Variants in IRS1 observed in about 807,000 individuals in gnomAD.
IRS1 encodes insulin receptor substrate 1.
A neutral mutation model predicts 65.6 loss-of-function variants in IRS1; 34 were observed. The ratio of observed to expected loss-of-function variants is 0.52; its 90% confidence interval spans 0.39 to 0.69. The LOEUF (loss-of-function observed/expected upper bound fraction) is 0.69, where lower values mean the gene tolerates loss of function less well. Among genes scored for constraint, IRS1 ranks in the 30% least tolerant of loss-of-function variants. The pLI is 0.00. For synonymous variants in IRS1, 699 were observed against 683.5 expected, an observed-to-expected ratio of 1.02 and a Z score of -0.35; for missense variants, 1,641 against 1,720.2, an observed-to-expected ratio of 0.95 and a Z score of 0.81.
chr2:226,770,939 C>T (rs1394404326), intron 1 of IRS1, among the ~76,000 whole-genome samples: 2 of 152,072 alleles, frequency 1.3e-5, no homozygotes, highest in African/African-American at 4.8e-5. Context: ...GTGGGAGGAT[C>T]TCTTGAGCAC....
At position 226,796,066 on chromosome 2, in the gene IRS1, C is replaced by T. The variant is rs141181919; in HGVS notation, c.2673G>A (p.Lys891=). 1.1e-5 allele frequency: 18 copies of T among 1,614,016 alleles called. No homozygotes were observed. The South Asian group carries it at 1.4e-4, about 13-fold the overall frequency. Residue 891 remains lysine (K), a synonymous_variant, in exon 1 of 2, where the codon AAG becomes AAA. Coordinates refer to ENST00000305123, the MANE Select transcript of IRS1 (RefSeq NM_005544.3). ...QQPLLHPPEP[K]SPGEYVNIEF... ...CAATATTGACATATTCCCCCGGGCT[C>T]TTGGGCTCTGGAGGGTGCAGCAAGG...
chr2:226,746,507 A>G (rs1318748927), intron 1 of IRS1, among the ~76,000 whole-genome samples: 1 of 152,138 alleles, frequency 6.6e-6, no homozygotes, highest in Non-Finnish European at 1.5e-5. Flanking sequence ...ATAATTGATA[A>G]TGCATCCACT....
intron 1 of IRS1, among the ~76,000 whole-genome samples, chr2:226,782,955 A>AC (rs1181596691): frequency 2.6e-5 from 4 of 152,234 alleles, no homozygotes; most frequent in African/African-American, 9.6e-5. Flanking sequence ...AGCCAAGATC[A>AC]CACCACTGCA....
At chr2:226,738,147 A>T (rs1220840279) in intron 1 of IRS1, among the ~76,000 whole-genome samples, 6 of 152,252 alleles carry the variant, frequency 3.9e-5, no homozygotes, top group African/African-American at 7.2e-5. Context: ...TAAGGTCAAG[A>T]TGTAGCAGTA....
intron 1 of IRS1, among the ~76,000 whole-genome samples, chr2:226,748,122 CA>C (rs34926444): frequency 0.069 from 8,945 of 129,332 alleles, 350 homozygotes; most frequent in East Asian, 0.2. Flanking sequence ...TCTGAGAGTC[CA>C]AAAAAAAAAA....
At chr2:226,776,963 C>G (rs1939286355) in intron 1 of IRS1, among the ~76,000 whole-genome samples, 1 of 152,066 alleles carries the variant, frequency 6.6e-6, no homozygotes, top group East Asian at 1.9e-4. Flanking sequence ...TCAGACAAAT[C>G]CCAAATGAGG....
chr2:226,771,430 G>C (rs1161892912), intron 1 of IRS1, among the ~76,000 whole-genome samples: 1 of 152,164 alleles, frequency 6.6e-6, no homozygotes, highest in Non-Finnish European at 1.5e-5. Context: ...GAGTAGGTTG[G>C]AGGAAGGGTG....
At position 226,797,436 on chromosome 2, in the gene IRS1, G is replaced by C; in HGVS notation, c.1303C>G (p.Pro435Ala). 3.1e-6 allele frequency: 5 copies of C among 1,613,348 alleles called. No homozygotes were observed. The highest frequency in any genetic ancestry group is 4.2e-6 in the Non-Finnish European group (5 of 1,179,882). ...CGGAAGGAACTCCGGAAATCGCAGGGACTGGAGCCATACTCATCCGAGGAG... is the reference window on the plus strand; with the variant it reads ...CGGAAGGAACTCCGGAAATCGCAGGCACTGGAGCCATACTCATCCGAGGAG... ...FISSDEYGSS[P>A]CDFRSSFRSV... The change falls in exon 1 of 2, where the codon CCC (proline) becomes GCC (alanine). Residue 435 changes from proline to alanine, a missense_variant. By Grantham distance (27) the Pro-to-Ala change is conservative (BLOSUM62 -1). Coordinates refer to ENST00000305123, the MANE Select transcript of IRS1 (RefSeq NM_005544.3). The surrounding 1 kb of genome is among the most constrained non-coding windows in gnomAD (Gnocchi z 8.1).
Position 226,798,556 on chromosome 2 carries a change from T to C in IRS1, c.183A>G (p.Lys61=). ...KKWRHKSSAP[K]RSIPLESCFN... ...AGCAGCTCTCAAGGGGGATCGAGCG[T>C]TTGGGGGCGCTCGACTTGTGCCGCC... is the stretch of plus-strand genomic sequence containing the variant. The change falls in exon 1 of 2, where the codon AAA becomes AAG. Residue 61 remains lysine, a synonymous_variant. Coordinates refer to ENST00000305123, the MANE Select transcript of IRS1 (RefSeq NM_005544.3). This position sits in a 1 kb window ranked among gnomAD's most constrained non-coding sequence, Gnocchi z 9.4. 2.5e-6 allele frequency: 4 copies of C among 1,613,864 alleles called. No homozygotes were observed. Among genetic ancestry groups the C allele is most frequent in the Non-Finnish European group, 3.4e-6 (4 of 1,179,978 alleles).
Position 226,799,302 on chromosome 2 carries a change from G to A in IRS1, c.-564C>T. Reference sequence around the variant, plus strand: ...CTCCTCCCACCCCCCAACCGTCCCAGCCGCCACCAGCCGCCCAAATACCAG... The same window carrying A: ...CTCCTCCCACCCCCCAACCGTCCCAACCGCCACCAGCCGCCCAAATACCAG... On this transcript the variant is annotated 5_prime_UTR_variant, in exon 1 of 2. Coordinates refer to ENST00000305123, the MANE Select transcript of IRS1 (RefSeq NM_005544.3). This position sits in a 1 kb window ranked among gnomAD's most constrained non-coding sequence, Gnocchi z 6.1. 8.3e-7 allele frequency: 1 copy of A among 1,203,422 alleles called. No individual in the cohort carries two copies. Among genetic ancestry groups the A allele is most frequent in the South Asian group, 1.5e-5 (1 of 66,598 alleles). The allele number at this position is 1,203,422 out of a possible 1,614,324, so 74.5% of individuals were successfully genotyped here.
At position 226,732,760 on chromosome 2, in the gene IRS1, T is replaced by C. The variant is rs182173460; in HGVS notation, c.*3512A>G. The C allele has an allele frequency of 6.6e-6, 1 of 150,602 alleles. No homozygotes were observed. Among genetic ancestry groups the C allele is most frequent in the African/African-American group, 2.5e-5 (1 of 40,662 alleles). 9.3% of individuals were successfully genotyped at this position (150,602 alleles called of 1,614,324 possible). On this transcript the variant is annotated 3_prime_UTR_variant, in exon 2 of 2. Coordinates refer to ENST00000305123, the MANE Select transcript of IRS1 (RefSeq NM_005544.3). Reference sequence around the variant, plus strand: ...ATACAGCATTACCTCCAACTAACATTCATCATTCATGGCATCCTAGGAACA... The same window carrying C: ...ATACAGCATTACCTCCAACTAACATCCATCATTCATGGCATCCTAGGAACA...
At chr2:226,776,433 C>G (rs1939275405) in intron 1 of IRS1, among the ~76,000 whole-genome samples, 1 of 151,884 alleles carries the variant, frequency 6.6e-6, no homozygotes, top group Admixed American at 6.6e-5. Flanking sequence ...GACTTTCTGC[C>G]AAAGAGCACA....
At chr2:226,742,282 A>G (rs1205333051) in intron 1 of IRS1, among the ~76,000 whole-genome samples, 2 of 152,230 alleles carry the variant, frequency 1.3e-5, no homozygotes, top group Non-Finnish European at 2.9e-5. Context: ...ACACACATCA[A>G]GTGAAGATTG....
At chr2:226,781,865 T>TAC (rs34695433) in intron 1 of IRS1, among the ~76,000 whole-genome samples, 20,675 of 131,410 alleles carry the variant, frequency 0.16, 1,633 homozygotes, top group African/African-American at 0.23. Context: ...CACCCCTAAA[T>TAC]ACACACACAC....
intron 1 of IRS1, among the ~76,000 whole-genome samples, chr2:226,744,666 G>C (rs190605502): frequency 6.6e-6 from 1 of 152,122 alleles, no homozygotes; most frequent in Admixed American, 6.5e-5. Context: ...GTATGCAAGG[G>C]ATCTATGTTG....
rs537827636 is a variant in IRS1, at chr2:226,786,086, T to C, written c.*21+8903A>G. 9.7e-4 allele frequency among the ~76,000 whole-genome samples: 144 copies of C among 149,212 alleles called. 5 individuals carry two copies. The highest frequency in any genetic ancestry group is 3.5e-3 in the African/African-American group (140 of 40,366). Reference sequence around the variant, plus strand: ...AAGGACATGCACTCGTCCTTTTTTATGGCTGCATCGTATTCCATGGTGTAT... The same window carrying C: ...AAGGACATGCACTCGTCCTTTTTTACGGCTGCATCGTATTCCATGGTGTAT... On this transcript the variant is annotated intron_variant, in intron 1 of 1. Transcript: ENST00000305123.
intron 1 of IRS1, among the ~76,000 whole-genome samples, chr2:226,791,580 G>C (rs867652189): frequency 2.0e-5 from 3 of 152,028 alleles, no homozygotes; most frequent in African/African-American, 7.2e-5. Context: ...GGCTCGGCCT[G>C]CGGGCACCCG....
chr2:226,746,892 C>A (rs968249335), intron 1 of IRS1, among the ~76,000 whole-genome samples: 2 of 149,378 alleles, frequency 1.3e-5, no homozygotes, highest in African/African-American at 2.5e-5. Flanking sequence ...CAGGTTGGAG[C>A]GATTCTCCTG....
chr2:226,795,468 C>T lies in IRS1; in HGVS notation c.3271G>A (p.Asp1091Asn), dbSNP rs1243671316. 6.2e-7 allele frequency: 1 copy of T among 1,613,584 alleles called. No homozygotes were observed. The highest frequency in any genetic ancestry group is 1.7e-5 in the Admixed American group (1 of 60,032). Residue 1091 changes from aspartate (D) to asparagine (N), a missense_variant, in exon 1 of 2, where the codon GAC becomes AAC. Physicochemically the swap from Asp to Asn is conservative, Grantham distance 23. Transcript: ENST00000305123. ...TGCCTCCGCCGGCACCCTTGTGGGT[C>T]TGCACGGATCACTTTGGCACTCTGG... ...RNQSAKVIRA[D>N]PQGCRRRHSS...
Sources: allele counts gnomAD v4.1 joint callset (sites outside exome capture counted in the v4.1 genomes callset), GRCh38; gene constraint gnomAD v4.1.1; non-coding constraint Gnocchi (gnomAD v3.1); transcripts MANE v1.5; gene names NCBI Gene and HGNC (gene_info 2026-07-23, HGNC 2026-07-21).